Variants in HAUS6 observed in about 807,000 individuals in gnomAD.
HAUS6 encodes the protein HAUS augmin like complex subunit 6.
HAUS6 carries 80 observed loss-of-function variants against 106.8 expected under a neutral mutation model. The observed-to-expected ratio is 0.75, with a 90% CI of 0.63 to 0.90. The LOEUF (loss-of-function observed/expected upper bound fraction) is 0.90, where lower values mean the gene tolerates loss of function less well. HAUS6 is among the 40% of genes least tolerant of loss of function. HAUS6 has a pLI of 0.00. For synonymous variants in HAUS6, 356 were observed against 379.1 expected (o/e 0.94, Z 0.71); for missense variants, 1,155 against 1,118.1 (o/e 1.03, Z -0.47).
In HAUS6 at chr9:19,054,661, A is replaced by G. The variant is rs1836432191; in HGVS notation, c.*1682T>C. 1.3e-5 allele frequency: 2 copies of G among 152,178 alleles called. No homozygotes were observed. The highest frequency in any genetic ancestry group is 6.5e-5 in the Admixed American group (1 of 15,276). The allele number at this position is 152,178 out of a possible 1,614,324, so 9.4% of individuals were successfully genotyped here. A position where few individuals can be genotyped will look rare whatever the true frequency, so the allele number is the denominator to read the frequency against. Reference sequence around the variant, plus strand: ...GAGCTTCCCTATCAGATAGTTACCAATCTCTACCCAAGTATATATGCAACA... The same window carrying G: ...GAGCTTCCCTATCAGATAGTTACCAGTCTCTACCCAAGTATATATGCAACA... On this transcript the variant is annotated 3_prime_UTR_variant, in exon 17 of 17. Transcript: ENST00000380502.
intron 4 of HAUS6, among the ~76,000 whole-genome samples, chr9:19,090,973 T>C (rs1817731745): frequency 1.3e-5 from 2 of 152,266 alleles, no homozygotes; most frequent in East Asian, 1.9e-4. Context: ...TGTATTAACA[T>C]TGCTTATCCA....
rs551213959 is a variant in HAUS6 at position 19,068,151 on chromosome 9, T to C, written c.1376+2068A>G. 1.8e-4 allele frequency among the ~76,000 whole-genome samples: 27 copies of C among 152,148 alleles called. No individual in the cohort carries two copies. In the South Asian group the frequency reaches 5.6e-3, roughly 32 times the overall value. On this transcript the variant is annotated intron_variant, in intron 12 of 16. Coordinates refer to ENST00000380502, the MANE Select transcript of HAUS6 (RefSeq NM_017645.5). ...AAGGAAGACAAATCGAAAACATAAC[T>C]GAGTTTGGGAAGCACCAACCATACC...
At chr9:19,091,496 C>A (rs989266927) in intron 4 of HAUS6, among the ~76,000 whole-genome samples, 1 of 152,008 alleles carries the variant, frequency 6.6e-6, no homozygotes, top group Non-Finnish European at 1.5e-5. Context: ...GTTTGTATTA[C>A]ATGTAATTGG....
At chr9:19,097,790 A>G (rs1817895391) in intron 1 of HAUS6, among the ~76,000 whole-genome samples, 1 of 152,224 alleles carries the variant, frequency 6.6e-6, no homozygotes, top group Non-Finnish European at 1.5e-5. Flanking sequence ...AGTGAAAACA[A>G]AAATGAAAGA....
chr9:19,098,272 C>T (rs770155742), intron 1 of HAUS6, among the ~76,000 whole-genome samples: 1 of 151,910 alleles, frequency 6.6e-6, no homozygotes, highest in African/African-American at 2.4e-5. Context: ...TCGCCATCTC[C>T]ACTAAAAATA....
At chr9:19,062,476 C>A (rs1194106256) in intron 14 of HAUS6, among the ~76,000 whole-genome samples, 1 of 152,102 alleles carries the variant, frequency 6.6e-6, no homozygotes, top group Non-Finnish European at 1.5e-5. Context: ...GAAGTGGGTT[C>A]TAAACCACAG....
In HAUS6 at chr9:19,064,329, A is replaced by T. The variant is rs531791768; in HGVS notation, c.1377-749T>A. ...ATCCAAAATCAATTTCTCATATGCT[A>T]AATTTTACTCTATAGCAAACATGTT... is the stretch of plus-strand genomic sequence containing the variant. On this transcript the variant is annotated intron_variant, in intron 12 of 16. Transcript: ENST00000380502. 2.0e-5 allele frequency among the ~76,000 whole-genome samples: 3 copies of T among 152,310 alleles called. No homozygotes were observed. In the South Asian group the frequency reaches 6.2e-4, roughly 32 times the overall value.
intron 9 of HAUS6, among the ~76,000 whole-genome samples, chr9:19,079,912 C>T (rs1451375627): frequency 1.4e-5 from 2 of 147,850 alleles, no homozygotes; most frequent in South Asian, 2.2e-4. Flanking sequence ...TGGTGGCTCA[C>T]GCCTGTAATC....
At chr9:19,102,450 G>A (rs1450534648) in intron 1 of HAUS6, 74 bp downstream of exon 1, 5 of 1,485,016 alleles carry the variant, frequency 3.4e-6, no homozygotes, top group East Asian at 2.3e-5. Context: ...CAACCTCCGG[G>A]GTCTACAAAA....
At chr9:19,091,294 C>T (rs553116410) in intron 4 of HAUS6, among the ~76,000 whole-genome samples, 40 of 137,908 alleles carry the variant, frequency 2.9e-4, no homozygotes, top group African/African-American at 9.3e-4. Context: ...AGTGAGACTT[C>T]GTCTGCGAAA....
intron 4 of HAUS6, among the ~76,000 whole-genome samples, chr9:19,091,075 T>C (rs947147678): frequency 8.6e-5 from 13 of 150,408 alleles, no homozygotes; most frequent in Non-Finnish European, 1.6e-4. Context: ...CCGAGGCGGG[T>C]GGATCACAAG....
intron 12 of HAUS6, among the ~76,000 whole-genome samples, chr9:19,069,674 A>C (rs1215214246): frequency 6.6e-6 from 1 of 152,140 alleles, no homozygotes; most frequent in African/African-American, 2.4e-5. Context: ...ACTCCAGCCT[A>C]GGAAACAAGA....
intron 8 of HAUS6, among the ~76,000 whole-genome samples, chr9:19,081,203 AT>A (rs947214277): frequency 6.6e-5 from 10 of 152,168 alleles, no homozygotes; most frequent in African/African-American, 2.4e-4. Context: ...TTTTTGCTAC[AT>A]TTTTATATTA....
At position 19,093,255 on chromosome 9, in the gene HAUS6, A is replaced by G. The variant is rs1164660761; in HGVS notation, c.352T>C (p.Ser118Pro). ...TGAATAAACTTAGGACCACCAGGAG[A>G]AAGAAATAGTGAACCAACAACTTGA... is the stretch of plus-strand genomic sequence containing the variant. ...FPQVVGSLFLSPGGPKFIHLM... is the reference protein window; with the variant it reads ...FPQVVGSLFLPPGGPKFIHLM... The change falls in exon 4 of 17, where the codon TCT becomes CCT. Residue 118 changes from serine to proline, a missense_variant. Around this residue, in one of 3 missense-constraint regions of HAUS6, gnomAD observed 761 missense variants for 690.0 expected, o/e 1.10. Transcript: ENST00000380502. The G allele has an allele frequency of 7.5e-6, 12 of 1,610,230 alleles. No homozygotes were observed. The highest frequency in any genetic ancestry group is 9.3e-6 in the Non-Finnish European group (11 of 1,177,748).
At chr9:19,099,358 G>T (rs945848639) in intron 1 of HAUS6, among the ~76,000 whole-genome samples, 1 of 152,028 alleles carries the variant, frequency 6.6e-6, no homozygotes, top group Non-Finnish European at 1.5e-5. Flanking sequence ...AGTAGAGATA[G>T]GGTTTCACCG....
intron 12 of HAUS6, among the ~76,000 whole-genome samples, chr9:19,066,743 T>C (rs1228746086): frequency 7.0e-6 from 1 of 143,226 alleles, no homozygotes; most frequent in Non-Finnish European, 1.5e-5. Context: ...TCTGAAACCC[T>C]AGCATTTTGG....
At chr9:19,086,181 C>G (rs576348098) in intron 7 of HAUS6, among the ~76,000 whole-genome samples, 2 of 151,850 alleles carry the variant, frequency 1.3e-5, no homozygotes, top group African/African-American at 2.4e-5. Flanking sequence ...CATATTGGCA[C>G]ACACCTGTAA....
At chr9:19,097,265 TA>T (rs1273895442) in intron 1 of HAUS6, among the ~76,000 whole-genome samples, 1 of 152,112 alleles carries the variant, frequency 6.6e-6, no homozygotes, top group Non-Finnish European at 1.5e-5. Context: ...CTAATTAAAC[TA>T]AACAGCTTCT....
At chr9:19,060,875 C>A (rs1836599048) in intron 14 of HAUS6, among the ~76,000 whole-genome samples, 1 of 152,080 alleles carries the variant, frequency 6.6e-6, no homozygotes, top group South Asian at 2.1e-4. Flanking sequence ...TAAATTGACC[C>A]AAGAGGCCGG....
Sources: gnomAD v4.1 joint callset for allele counts (sites outside exome capture counted in the v4.1 genomes callset) on GRCh38, gnomAD v4.1.1 for gene constraint, gnomAD v4.1.1 regional missense constraint, MANE v1.5 for transcripts, NCBI Gene and HGNC (gene_info 2026-07-23, HGNC 2026-07-21) for gene names.